Variants in MYBL1 observed in about 807,000 individuals in gnomAD.
MYBL1 encodes MYB proto-oncogene like 1, also known as myb-related protein A.
Under a neutral mutation model 96.3 loss-of-function variants are expected in MYBL1, and 17 were observed. The ratio of observed to expected loss-of-function variants is 0.18; its 90% CI spans 0.12 to 0.26. The LOEUF is 0.26. Ranked by LOEUF, MYBL1 falls within the 10% of genes least tolerant of loss-of-function variation. MYBL1 has a pLI of 1.00. For missense variants in MYBL1, 701 were observed against 882.9 expected (o/e 0.79, Z 2.61); for synonymous variants, 282 against 292.7 (o/e 0.96, Z 0.37).
rs979085990 is a variant in MYBL1 at position 66,562,480 on chromosome 8, C to T, written c.*2217G>A. ...TTAAGATAAAAAATCTTGCAAAAAG[C>T]AACAAAGCAGTTAACTGAAGGATTC... On this transcript the variant is annotated 3_prime_UTR_variant, in exon 16 of 16. Coordinates refer to ENST00000522677, the MANE Select transcript of MYBL1 (RefSeq NM_001080416.4). 1 of 152,500 alleles carries T rather than the reference C, an allele frequency of 6.6e-6. No homozygotes were observed. Among genetic ancestry groups the T allele is most frequent in the Non-Finnish European group, 1.5e-5 (1 of 68,024 alleles). The allele number at this position is 152,500 out of a possible 1,614,324, so 9.4% of individuals were successfully genotyped here.
At chr8:66,610,982 A>G (rs568385264) in intron 1 of MYBL1, among the ~76,000 whole-genome samples, 3 of 152,172 alleles carry the variant, frequency 2.0e-5, no homozygotes, top group Non-Finnish European at 4.4e-5. Context: ...CAAAAGTACA[A>G]TATTTAGATT....
At chr8:66,569,570 T>TG (rs1235650269) in intron 12 of MYBL1, among the ~76,000 whole-genome samples, 1 of 152,082 alleles carries the variant, frequency 6.6e-6, no homozygotes, top group African/African-American at 2.4e-5. Context: ...AGGCTGGTCT[T>TG]GAATTCCTGA....
intron 5 of MYBL1, 50 bp downstream of exon 5, chr8:66,597,280 T>C (rs1809890072): frequency 7.7e-7 from 1 of 1,304,010 alleles, no homozygotes; most frequent in African/African-American, 1.5e-5. Context: ...AGTAAGGTAA[T>C]AAAGGTCATG....
chr8:66,593,087 T>A lies in MYBL1; in HGVS notation c.762+33A>T, dbSNP rs527758190. 145 of 1,373,094 alleles carry A rather than the reference T, an allele frequency of 1.1e-4. No individual in the cohort carries two copies. The East Asian group carries it at 2.1e-3, about 19-fold the overall frequency. The allele number at this position is 1,373,094 out of a possible 1,614,324, so 85.1% of individuals were successfully genotyped here. ...GCTTTTAAAAATGTGACTGAACACA[T>A]TTCCTTTGGTTTTCGTTATAAATAA... On this transcript the variant is annotated intron_variant, in intron 7 of 15. Transcript: ENST00000522677.
At chr8:66,600,520 C>T (rs765481349) in intron 3 of MYBL1, among the ~76,000 whole-genome samples, 1 of 152,128 alleles carries the variant, frequency 6.6e-6, no homozygotes, top group South Asian at 2.1e-4. Flanking sequence ...TTATTGAACA[C>T]CTGCTAAATA....
intron 9 of MYBL1, 43 bp from the exon 10 acceptor site, chr8:66,576,418 A>C (rs1808951096): frequency 6.5e-7 from 1 of 1,538,566 alleles, no homozygotes; most frequent in Non-Finnish European, 8.7e-7. Flanking sequence ...GCTGTAACCT[A>C]GTTAAATCTG....
chr8:66,592,438 A>T lies in MYBL1; in HGVS notation c.867+2T>A. ...AATACAAATAACAAGCTTATTTCTT[A>T]CTGATGGAATTCGCTTTCTTCTAAC... On this transcript the variant is annotated splice_donor_variant, in intron 8 of 15. Transcript: ENST00000522677. LOFTEE classifies it high-confidence loss of function. 1 of 1,557,208 alleles carries T rather than the reference A, an allele frequency of 6.4e-7. No individual in the cohort carries two copies.
intron 8 of MYBL1, among the ~76,000 whole-genome samples, chr8:66,588,233 G>GA (rs1809496874): frequency 6.7e-6 from 1 of 148,396 alleles, no homozygotes; most frequent in East Asian, 2.0e-4. Flanking sequence ...TGGGCCCAGT[G>GA]AAAAAACCAT....
chr8:66,595,682 A>C lies in MYBL1; in HGVS notation c.588T>G (p.Asp196Glu). The C allele has an allele frequency of 5.7e-6, 9 of 1,583,506 alleles. No homozygotes were observed. Among genetic ancestry groups the C allele is most frequent in the Non-Finnish European group, 7.7e-6 (9 of 1,162,888 alleles). Residue 196 changes from aspartate (D) to glutamate (E), a missense_variant, in exon 6 of 16, where the codon GAT (aspartate) becomes GAG (glutamate). Transcript: ENST00000522677. The part of the protein sequence containing the change: ...RKVEQEGYLQ[D>E]GIKSERSSSK... ...ATGAAGATCGTTCTGATTTTATTCC[A>C]TCTTGTAAATAGCCCTCCTGTTCCA...
intron 10 of MYBL1, among the ~76,000 whole-genome samples, chr8:66,574,307 C>T (rs1384931166): frequency 6.6e-6 from 1 of 152,170 alleles, no homozygotes; most frequent in Non-Finnish European, 1.5e-5. Flanking sequence ...ATCTTTCAGC[C>T]ACTTCTACCT....
At position 66,580,683 on chromosome 8, in the gene MYBL1, A is replaced by T. The variant is rs111259628; in HGVS notation, c.868-317T>A. On this transcript the variant is annotated intron_variant, in intron 8 of 15. Transcript: ENST00000522677. The stretch of plus-strand genomic sequence containing the variant: ...CTTCTACTCAAGAGCTATATATTTA[A>T]ACCTTATCATGTGTATCTATTTATT... 8.0e-3 allele frequency among the ~76,000 whole-genome samples: 1,217 copies of T among 152,246 alleles called. 15 individuals carry two copies. Among genetic ancestry groups the T allele is most frequent in the African/African-American group, 0.027 (1,109 of 41,552 alleles).
chr8:66,598,525 C>A (rs918433834), intron 4 of MYBL1, among the ~76,000 whole-genome samples: 2 of 152,188 alleles, frequency 1.3e-5, no homozygotes, highest in African/African-American at 4.8e-5. Flanking sequence ...CTAAAGAGTG[C>A]AGAAACACTT....
At chr8:66,611,271 A>G (rs935554628) in intron 1 of MYBL1, among the ~76,000 whole-genome samples, 6 of 152,224 alleles carry the variant, frequency 3.9e-5, no homozygotes, top group African/African-American at 1.4e-4. Context: ...TAAACTTGTT[A>G]TTGAGTTAAC....
intron 8 of MYBL1, 70 bp from the exon 9 acceptor site, chr8:66,580,436 C>A (rs1809160611): frequency 6.7e-6 from 7 of 1,040,606 alleles, no homozygotes; most frequent in Admixed American, 2.4e-5. Flanking sequence ...GATTTCAACA[C>A]ATTTCAATTA....
chr8:66,609,583 T>G (rs963115408), intron 1 of MYBL1, among the ~76,000 whole-genome samples: 6 of 152,058 alleles, frequency 3.9e-5, no homozygotes, highest in African/African-American at 1.2e-4. Context: ...ATCTGGACTG[T>G]GCAAACTAGC....
In MYBL1 at chr8:66,579,255, T is replaced by A. The variant is rs577353589; in HGVS notation, c.1101+878A>T. Among the ~76,000 whole-genome samples, 429 of 151,172 alleles carry A rather than the reference T, an allele frequency of 2.8e-3. 4 individuals are homozygous for A. The highest frequency in any genetic ancestry group is 6.1e-3 in the Admixed American group (93 of 15,186). ...TAATAATAAAAAAATTAAAAAAAAA[T>A]TTTTTTTAAAAAAATGAAAAAGTAG... is the stretch of plus-strand genomic sequence containing the variant. On this transcript the variant is annotated intron_variant, in intron 9 of 15. Coordinates refer to ENST00000522677, the MANE Select transcript of MYBL1 (RefSeq NM_001080416.4).
intron 1 of MYBL1, chr8:66,612,510 T>C (rs902366235): frequency 1.3e-5 from 5 of 370,422 alleles, no homozygotes; most frequent in African/African-American, 8.3e-5. Context: ...AGCGCTCGAC[T>C]TACCTGGCAA....
intron 1 of MYBL1, among the ~76,000 whole-genome samples, chr8:66,605,314 A>G (rs1372731818): frequency 6.6e-6 from 1 of 152,144 alleles, no homozygotes; most frequent in Non-Finnish European, 1.5e-5. Context: ...TAGAAGGCAA[A>G]TGAGCATGTG....
intron 8 of MYBL1, among the ~76,000 whole-genome samples, chr8:66,580,708 T>C (rs2129829997): frequency 6.6e-6 from 1 of 152,344 alleles, no homozygotes; most frequent in South Asian, 2.1e-4. Context: ...ATCTATTTAT[T>C]CCTGGTAGTT....
Sources: allele counts gnomAD v4.1 joint callset (sites outside exome capture counted in the v4.1 genomes callset), GRCh38; gene constraint gnomAD v4.1.1; transcripts MANE v1.5; gene names NCBI Gene and HGNC (gene_info 2026-07-23, HGNC 2026-07-21).